DNM1L: variants seen among roughly 807,000 people sequenced by gnomAD.
DNM1L encodes dynamin-1-like protein.
DNM1L carries 33 observed loss-of-function variants against 92.8 expected under a neutral mutation model. The ratio of observed to expected loss-of-function variants is 0.36; its 90% CI spans 0.27 to 0.48. DNM1L has a LOEUF of 0.48. DNM1L is among the 20% of genes least tolerant of loss of function. The pLI is 0.99. For synonymous variants in DNM1L, 284 were observed against 305.0 expected (o/e 0.93, Z 0.72); for missense variants, 485 against 888.8 (o/e 0.55, Z 5.78).
At position 32,720,666 on chromosome 12, in the gene DNM1L, GC is replaced by G; in HGVS notation, c.745del (p.Gln249SerfsTer2). The stretch of plus-strand genomic sequence containing the variant: ...TTTCGTTATTTTTTCAACCTCAGGA[GC>G]CAGCTAGATATTAACAACAAGAAGA... ...KLGIIGVVNR[S>X]QLDINNKKSV... On this transcript the variant is annotated frameshift_variant, in exon 8 of 20. Coordinates refer to ENST00000549701, the MANE Select transcript of DNM1L (RefSeq NM_012062.5). LOFTEE classifies it high-confidence loss of function. 1.2e-6 allele frequency: 2 copies of G among 1,613,822 alleles called. No individual in the cohort carries two copies. Among genetic ancestry groups the G allele is most frequent in the Non-Finnish European group, 1.7e-6 (2 of 1,179,840 alleles).
chr12:32,738,073 A>G, intron 15 of DNM1L, 131 bp downstream of exon 15: 1 of 1,102,700 alleles, frequency 9.1e-7, no homozygotes, highest in Non-Finnish European at 1.3e-6. Context: ...CTTTAGTCTA[A>G]TATATATTTT....
At chr12:32,726,731 C>T in intron 9 of DNM1L, 1 of 625,204 alleles carries the variant, frequency 1.6e-6, no homozygotes, top group Non-Finnish European at 2.9e-6. Context: ...TCTGCTGCTG[C>T]TTAATGGTTT....
chr12:32,687,137 T>C (rs1229604582), intron 1 of DNM1L, among the ~76,000 whole-genome samples: 6 of 151,368 alleles, frequency 4.0e-5, no homozygotes, highest in Admixed American at 3.3e-4. Flanking sequence ...TTACTTTTGG[T>C]TAAGGCTAAT....
At chr12:32,732,446 C>T (rs566219115) in intron 12 of DNM1L, 2 of 447,466 alleles carry the variant, frequency 4.5e-6, no homozygotes, top group African/African-American at 4.0e-5. Flanking sequence ...CTGAAATTGG[C>T]AGAAATATGG....
At chr12:32,737,290 G>C (rs1433520969) in intron 14 of DNM1L, 129 bp downstream of exon 14, 2 of 879,924 alleles carry the variant, frequency 2.3e-6, no homozygotes, top group East Asian at 5.4e-5. Flanking sequence ...AACTAACTGA[G>C]TAAAGGCATA....
At chr12:32,725,224 AAGAC>A (rs1954056049) in intron 9 of DNM1L, 1 of 152,156 alleles carries the variant, frequency 6.6e-6, no homozygotes, top group Non-Finnish European at 1.5e-5. Flanking sequence ...GTACAAAATT[AAGAC>A]ATCTTGTAAG....
At chr12:32,734,766 G>A (rs767841340) in intron 13 of DNM1L, among the ~76,000 whole-genome samples, 37 of 152,178 alleles carry the variant, frequency 2.4e-4, no homozygotes, top group Admixed American at 8.5e-4. Flanking sequence ...CTGAGATCGC[G>A]CCATTGCACT....
intron 9 of DNM1L, among the ~76,000 whole-genome samples, chr12:32,725,058 A>G (rs962919081): frequency 2.0e-5 from 3 of 151,236 alleles, no homozygotes; most frequent in Non-Finnish European, 1.5e-5. Flanking sequence ...TTTTTAAAGC[A>G]TCGTATCACT....
intron 4 of DNM1L, chr12:32,709,591 CTT>C (rs1347194680): frequency 1.3e-5 from 2 of 152,208 alleles, no homozygotes; most frequent in Non-Finnish European, 1.5e-5. Flanking sequence ...TGAAACATCT[CTT>C]CTTTCCCAAA....
At chr12:32,721,179 A>G (rs1314437865) in intron 8 of DNM1L, among the ~76,000 whole-genome samples, 1 of 152,212 alleles carries the variant, frequency 6.6e-6, no homozygotes, top group Non-Finnish European at 1.5e-5. Flanking sequence ...AGGGAGATGG[A>G]AAAACAAAGA....
intron 8 of DNM1L, 125 bp downstream of exon 8, chr12:32,720,920 T>A: frequency 8.8e-6 from 11 of 1,253,444 alleles, no homozygotes; most frequent in Non-Finnish European, 1.1e-5. Context: ...GTTTCTTATA[T>A]AGTAGGTTCC....
chr12:32,713,576 T>A (rs1409352229), intron 6 of DNM1L, among the ~76,000 whole-genome samples: 1 of 152,206 alleles, frequency 6.6e-6, no homozygotes, highest in African/African-American at 2.4e-5. Context: ...GCGAAAATAT[T>A]TTACAACTTT....
chr12:32,696,384 AC>A (rs1420480308), intron 1 of DNM1L, among the ~76,000 whole-genome samples: 1 of 2,314 alleles, frequency 4.3e-4, no homozygotes. Flanking sequence ...ACACACACAA[AC>A]ACACACACAC....
At position 32,712,397 on chromosome 12, in the gene DNM1L, A is replaced by C. The variant is rs538032310; in HGVS notation, c.457-812A>C. Reference sequence around the variant, plus strand: ...ATGTTATTGCTCCCTTATTGGCTTAATTTCTGCTCATTCTCTTAAGTGTCA... The same window carrying C: ...ATGTTATTGCTCCCTTATTGGCTTACTTTCTGCTCATTCTCTTAAGTGTCA... On this transcript the variant is annotated intron_variant, in intron 5 of 19. Transcript: ENST00000549701. 1.2e-4 allele frequency among the ~76,000 whole-genome samples: 19 copies of C among 152,164 alleles called. No homozygotes were observed. In the South Asian group the frequency reaches 3.3e-3, roughly 27 times the overall value.
At chr12:32,723,419 A>G (rs1198397153) in intron 9 of DNM1L, among the ~76,000 whole-genome samples, 1 of 152,184 alleles carries the variant, frequency 6.6e-6, no homozygotes, top group Non-Finnish European at 1.5e-5. Flanking sequence ...GATTCTGGCC[A>G]GGCACAGTGG....
chr12:32,724,501 A>T (rs1215286735), intron 9 of DNM1L, among the ~76,000 whole-genome samples: 1 of 147,944 alleles, frequency 6.8e-6, no homozygotes, highest in Non-Finnish European at 1.5e-5. Flanking sequence ...GCTTGAACCC[A>T]GGTGGTGGAG....
intron 6 of DNM1L, among the ~76,000 whole-genome samples, chr12:32,717,363 A>G (rs1239396083): frequency 1.4e-5 from 1 of 74,028 alleles, no homozygotes; most frequent in Non-Finnish European, 2.5e-5. Context: ...TATAGTATAT[A>G]TAATATATAT....
intron 1 of DNM1L, among the ~76,000 whole-genome samples, chr12:32,697,429 G>A (rs903454764): frequency 2.0e-5 from 3 of 152,158 alleles, no homozygotes; most frequent in Non-Finnish European, 4.4e-5. Context: ...AAAGGGGTGG[G>A]AAGGAGAATG....
At chr12:32,716,742 G>GTATATATATATATATA (rs71447619) in intron 6 of DNM1L, among the ~76,000 whole-genome samples, 3 of 139,186 alleles carry the variant, frequency 2.2e-5, no homozygotes, top group Admixed American at 7.4e-5. Context: ...ACTATATATA[G>GTATATATATATATATA]TATATATATA....
Sources: gnomAD v4.1 joint callset for allele counts (sites outside exome capture counted in the v4.1 genomes callset) on GRCh38, gnomAD v4.1.1 for gene constraint, MANE v1.5 for transcripts, NCBI Gene and HGNC (gene_info 2026-07-23, HGNC 2026-07-21) for gene names.